DCLRE1C: variants seen among roughly 807,000 people sequenced by gnomAD.
The protein encoded by DCLRE1C is protein artemis.
Under a neutral mutation model 61.4 loss-of-function variants are expected in DCLRE1C, and 47 were observed. The observed-to-expected ratio is 0.77, with a 90% CI of 0.61 to 0.98. The LOEUF (loss-of-function observed/expected upper bound fraction) is 0.98. Among genes scored for constraint, DCLRE1C ranks in the 50% least tolerant of loss-of-function variants. The probability of loss-of-function intolerance (pLI) is 0.00; values close to 1 mark genes in which losing one functional copy is unlikely to be tolerated. For synonymous variants in DCLRE1C, 337 were observed against 287.6 expected, an observed-to-expected ratio of 1.17 and a Z score of -1.74; for missense variants, 858 against 816.0, an observed-to-expected ratio of 1.05 and a Z score of -0.63.
chr10:14,939,899 A>G (rs767890483), intron 3 of DCLRE1C, 30 bp from the exon 4 acceptor site: 69 of 1,548,872 alleles, frequency 4.5e-5, no homozygotes, highest in East Asian at 2.9e-4. Context: ...GACCATGTAT[A>G]TAGCAGTTTT....
chr10:14,901,396 C>A, downstream of DCLRE1C: 1 of 1,193,428 alleles, frequency 8.4e-7, no homozygotes, highest in Non-Finnish European at 1.2e-6. Flanking sequence ...GTTTGTCATC[C>A]TAAGGTACAA....
chr10:14,932,865 G>T lies in DCLRE1C; in HGVS notation c.769C>A (p.Arg257=), dbSNP rs768646305. 8 of 1,613,984 alleles carry T rather than the reference G, an allele frequency of 5.0e-6. No individual in the cohort carries two copies. The highest frequency in any genetic ancestry group is 6.8e-6 in the Non-Finnish European group (8 of 1,180,010). Residue 257 remains arginine, a synonymous_variant, in exon 9 of 14, where the codon CGG becomes AGG. Coordinates refer to ENST00000378278, the MANE Select transcript of DCLRE1C (RefSeq NM_001033855.3). ...ACTTGCACACGTACCTTGGGATGCC[G>T]GCATGCATGGATCTGAGTGTTGCGG... ...TDRNTQIHAC[R]HPKAEEYFQW... is the part of the protein sequence containing the mutation.
chr10:14,923,536 G>C (rs1837473351), intron 11 of DCLRE1C: 1 of 182,372 alleles, frequency 5.5e-6, no homozygotes, highest in African/African-American at 2.4e-5. Flanking sequence ...TGGGCACAGT[G>C]GTACATGTCT....
rs774222216 is a variant in DCLRE1C, at chr10:14,909,249, G to A, written c.1238C>T (p.Pro413Leu). The change falls in exon 14 of 14, where the codon CCT becomes CTT. Residue 413 changes from proline (P) to leucine (L), a missense_variant. Around this residue, in one of 2 missense-constraint regions of DCLRE1C, gnomAD observed 843 missense variants for 783.5 expected, o/e 1.08. Coordinates refer to ENST00000378278, the MANE Select transcript of DCLRE1C (RefSeq NM_001033855.3). ...HKVPYPETFH[P>L]EVFSMTAVSE... ...TACTGCAGTCATTGAAAATACCTCA[G>A]GGTGAAAAGTTTCCGGGTATGGAAC... 1.2e-6 allele frequency: 2 copies of A among 1,613,768 alleles called. No individual in the cohort carries two copies. Among genetic ancestry groups the A allele is most frequent in the Non-Finnish European group, 1.7e-6 (2 of 1,179,918 alleles).
intron 9 of DCLRE1C, among the ~76,000 whole-genome samples, chr10:14,930,985 G>A (rs115449302): frequency 0.026 from 3,896 of 152,214 alleles, 143 homozygotes; most frequent in African/African-American, 0.087. Context: ...ATGCTTTATC[G>A]TAAGGGCTAG....
chr10:14,932,255 T>TAA (rs1007569500), intron 9 of DCLRE1C, among the ~76,000 whole-genome samples: 7 of 151,870 alleles, frequency 4.6e-5, no homozygotes, highest in Admixed American at 1.3e-4. Context: ...ATAGCACAAA[T>TAA]GTTTAAGTTA....
chr10:14,931,547 G>C (rs575981421), intron 9 of DCLRE1C, among the ~76,000 whole-genome samples: 2 of 151,984 alleles, frequency 1.3e-5, no homozygotes, highest in South Asian at 4.2e-4. Flanking sequence ...CACAGAGTGA[G>C]ACCATCTCAA....
Position 14,908,685 on chromosome 10 carries a change from G to A in DCLRE1C, c.1802C>T (p.Thr601Ile), listed in dbSNP as rs1834728922. 4 of 1,614,212 alleles carry A rather than the reference G, an allele frequency of 2.5e-6. No individual in the cohort carries two copies. The highest frequency in any genetic ancestry group is 3.4e-6 in the Non-Finnish European group (4 of 1,180,052). Residue 601 changes from threonine (T) to isoleucine (I), a missense_variant, in exon 14 of 14, where the codon ACT (threonine) becomes ATT (isoleucine). Physicochemically the swap from Thr to Ile is moderately conservative, Grantham distance 89 (BLOSUM62 -1). Coordinates refer to ENST00000378278, the MANE Select transcript of DCLRE1C (RefSeq NM_001033855.3). ...MEQNVICPKD[T>I]YSDLKSRDKD... is the part of the protein sequence containing the mutation. ...ATCTCTGCTTTTCAAATCAGAGTAA[G>A]TATCCTTTGGGCAAATTACATTTTG...
intron 13 of DCLRE1C, among the ~76,000 whole-genome samples, chr10:14,911,508 T>C (rs1041231687): frequency 1.3e-5 from 2 of 152,204 alleles, no homozygotes; most frequent in Non-Finnish European, 1.5e-5. Context: ...AGCAGGAAGA[T>C]ACAGTCAAAA....
intron 1 of DCLRE1C, 141 bp from the exon 2 acceptor site, chr10:14,949,228 GA>G (rs1842112400): frequency 1.5e-6 from 1 of 666,928 alleles, no homozygotes; most frequent in Non-Finnish European, 2.7e-6. Flanking sequence ...CATGGGCTAT[GA>G]GCTCTTTCTT....
In DCLRE1C at chr10:14,934,491, C is replaced by A; in HGVS notation, c.567G>T (p.Leu189=). 1 of 1,614,170 alleles carries A rather than the reference C, an allele frequency of 6.2e-7. No homozygotes were observed. The highest frequency in any genetic ancestry group is 8.5e-7 in the Non-Finnish European group (1 of 1,180,040). ...GGCTCCGAGTGATCCAGCTTCGGAC[C>A]AGCTCTAAGACTCCACTTAAACACT... ...REECLSGVLE[L]VRSWITRSPY... The change falls in exon 8 of 14, where the codon CTG becomes CTT. Residue 189 remains leucine (L), a synonymous_variant. Transcript: ENST00000378278.
At chr10:14,925,466 G>A (rs1837819849) in intron 11 of DCLRE1C, among the ~76,000 whole-genome samples, 1 of 152,148 alleles carries the variant, frequency 6.6e-6, no homozygotes, top group Non-Finnish European at 1.5e-5. Context: ...CATAAATGCT[G>A]AATTAGCAAA....
In DCLRE1C at chr10:14,918,456, T is replaced by C. The variant is rs190759564; in HGVS notation, c.1156+1282A>G. The stretch of plus-strand genomic sequence containing the variant: ...AGGCAGATCAGTGGATGCCTTGGCA[T>C]GGGTGAGAACCGGAGGGAATTACAA... On this transcript the variant is annotated intron_variant, in intron 13 of 13. Coordinates refer to ENST00000378278, the MANE Select transcript of DCLRE1C (RefSeq NM_001033855.3). Among the ~76,000 whole-genome samples the C allele has an allele frequency of 4.8e-3, 735 of 152,300 alleles. 4 individuals carry two copies. The highest frequency in any genetic ancestry group is 0.016 in the African/African-American group (658 of 41,540).
At chr10:14,925,804 A>G (rs1435141732) in intron 11 of DCLRE1C, among the ~76,000 whole-genome samples, 2 of 152,216 alleles carry the variant, frequency 1.3e-5, no homozygotes, top group Non-Finnish European at 2.9e-5. Flanking sequence ...CATGGCACTT[A>G]ATAGATGGCA....
chr10:14,940,874 A>G (rs1465346732), intron 3 of DCLRE1C, among the ~76,000 whole-genome samples: 3 of 152,162 alleles, frequency 2.0e-5, no homozygotes, highest in African/African-American at 7.2e-5. Context: ...CATGTATGAA[A>G]TGGGTTTTTC....
chr10:14,935,229 G>A (rs985624440), intron 6 of DCLRE1C, among the ~76,000 whole-genome samples: 1 of 152,036 alleles, frequency 6.6e-6, no homozygotes, highest in African/African-American at 2.4e-5. Context: ...CACTTTGGGA[G>A]GCCAAGGGGG....
intron 9 of DCLRE1C, among the ~76,000 whole-genome samples, chr10:14,932,649 A>G (rs1170820840): frequency 1.3e-5 from 2 of 152,048 alleles, no homozygotes. Flanking sequence ...AAAAAAAAGT[A>G]CAGATCTGTG....
chr10:14,952,318 G>A (rs890877726), intron 1 of DCLRE1C, among the ~76,000 whole-genome samples: 6 of 152,138 alleles, frequency 3.9e-5, no homozygotes, highest in African/African-American at 7.2e-5. Flanking sequence ...CAGGCACAGC[G>A]GCTCACACCT....
chr10:14,947,369 T>C (rs1469610355), intron 2 of DCLRE1C, among the ~76,000 whole-genome samples: 1 of 152,200 alleles, frequency 6.6e-6, no homozygotes, highest in African/African-American at 2.4e-5. Flanking sequence ...TGATGTTTGA[T>C]ACCTGGGCTG....
Sources: allele counts gnomAD v4.1 joint callset (sites outside exome capture counted in the v4.1 genomes callset), GRCh38; gene constraint gnomAD v4.1.1; regional missense constraint gnomAD v4.1.1; transcripts MANE v1.5; gene names NCBI Gene and HGNC (gene_info 2026-07-23, HGNC 2026-07-21).